KMO: variants seen among roughly 807,000 people sequenced by gnomAD.
KMO encodes the protein kynurenine 3-hydroxylase.
KMO carries 24 observed loss-of-function variants against 57.8 expected under a neutral mutation model. That is an observed-to-expected ratio of 0.42 (90% CI 0.30 to 0.58). The LOEUF (loss-of-function observed/expected upper bound fraction) is 0.58. Among genes scored for constraint, KMO ranks in the 20% least tolerant of loss-of-function variants. The pLI, the probability that KMO is intolerant of heterozygous loss-of-function variation, is 0.22. For missense variants in KMO, 483 were observed against 588.2 expected (o/e 0.82, Z 1.85); for synonymous variants, 210 against 193.6 (o/e 1.08, Z -0.70).
intron 1 of KMO, among the ~76,000 whole-genome samples, chr1:241,541,973 T>A (rs1429765884): frequency 6.6e-6 from 1 of 151,556 alleles, no homozygotes; most frequent in Non-Finnish European, 1.5e-5. Flanking sequence ...CAAAAGTAGT[T>A]GACAAATGTT....
chr1:241,538,415 GAAAACA>G (rs774072247), intron 1 of KMO, among the ~76,000 whole-genome samples: 1 of 152,122 alleles, frequency 6.6e-6, no homozygotes, highest in Non-Finnish European at 1.5e-5. Context: ...CCTAGTTCCT[GAAAACA>G]AAAACAAAAA....
intron 2 of KMO, 57 bp downstream of exon 2, chr1:241,548,955 T>G: frequency 1.7e-6 from 2 of 1,160,020 alleles, no homozygotes; most frequent in Non-Finnish European, 2.6e-6. Context: ...TCCTGGCACT[T>G]TGGGAGGCCA....
At chr1:241,567,961 C>A (rs1326461343) in intron 9 of KMO, among the ~76,000 whole-genome samples, 1 of 152,174 alleles carries the variant, frequency 6.6e-6, no homozygotes, top group Non-Finnish European at 1.5e-5. Flanking sequence ...TTATTATAAG[C>A]ACCATGTTGT....
chr1:241,541,578 A>C (rs1660960325), intron 1 of KMO, among the ~76,000 whole-genome samples: 1 of 152,208 alleles, frequency 6.6e-6, no homozygotes, highest in South Asian at 2.1e-4. Context: ...TGCATCATTC[A>C]CCTTCTCATA....
intron 10 of KMO, among the ~76,000 whole-genome samples, chr1:241,569,196 ATT>A (rs1282693899): frequency 1.3e-5 from 2 of 151,984 alleles, no homozygotes; most frequent in Non-Finnish European, 2.9e-5. Context: ...TCTTTTAGTG[ATT>A]TTAAAATATA....
At chr1:241,573,804 G>T (rs1662400359) in intron 10 of KMO, among the ~76,000 whole-genome samples, 1 of 151,970 alleles carries the variant, frequency 6.6e-6, no homozygotes, top group Admixed American at 6.6e-5. Flanking sequence ...TCTGTGAAAA[G>T]CGATGTTGGT....
chr1:241,558,693 T>C (rs1661728037), intron 5 of KMO, among the ~76,000 whole-genome samples: 1 of 151,628 alleles, frequency 6.6e-6, no homozygotes, highest in Non-Finnish European at 1.5e-5. Flanking sequence ...GTCTGCATTG[T>C]GGATCTTCCA....
At chr1:241,545,459 T>C (rs1036694445) in intron 1 of KMO, among the ~76,000 whole-genome samples, 1 of 152,144 alleles carries the variant, frequency 6.6e-6, no homozygotes, top group Non-Finnish European at 1.5e-5. Context: ...GAGGGAAAGA[T>C]CTGTTCCGGG....
rs1465251561 is a variant in KMO, at chr1:241,591,669, T to A, written c.1261-284T>A. On this transcript the variant is annotated intron_variant, in intron 14 of 14. Transcript: ENST00000366559. ...AGAATTCACAGCTCTTTTTCTAAACTGCAAAGGTTTTTTAATGGCTGGACA... is the reference window on the plus strand; with the variant it reads ...AGAATTCACAGCTCTTTTTCTAAACAGCAAAGGTTTTTTAATGGCTGGACA... Among the ~76,000 whole-genome samples the A allele has an allele frequency of 1.3e-5, 2 of 152,206 alleles. 1 individual carries two copies. Among genetic ancestry groups the A allele is most frequent in the Non-Finnish European group, 2.9e-5 (2 of 68,034 alleles).
chr1:241,570,494 T>C (rs913865404), intron 10 of KMO, among the ~76,000 whole-genome samples: 2 of 152,142 alleles, frequency 1.3e-5, no homozygotes, highest in African/African-American at 2.4e-5. Flanking sequence ...CTTCAGCATA[T>C]GGATATCTAG....
chr1:241,587,660 T>G (rs1259061967), intron 11 of KMO, among the ~76,000 whole-genome samples: 1 of 152,056 alleles, frequency 6.6e-6, no homozygotes, highest in Non-Finnish European at 1.5e-5. Flanking sequence ...GCCAGGCTGG[T>G]CTCGAACTCC....
intron 1 of KMO, 139 bp downstream of exon 1, chr1:241,532,637 TA>T (rs1295119608): frequency 6.6e-6 from 4 of 602,870 alleles, no homozygotes; most frequent in African/African-American, 2.0e-5. Flanking sequence ...CTATTTTGTT[TA>T]TTTTTTTAAT....
chr1:241,535,046 G>A (rs543038148), intron 1 of KMO, among the ~76,000 whole-genome samples: 1 of 151,758 alleles, frequency 6.6e-6, no homozygotes, highest in African/African-American at 2.4e-5. Flanking sequence ...TCCAGAGGCT[G>A]TAATTATGCC....
In KMO at chr1:241,549,370, TAGAA is replaced by T. The variant is rs575269951; in HGVS notation, c.125-297_125-294del. Among the ~76,000 whole-genome samples, 300 of 148,004 alleles carry T rather than the reference TAGAA, an allele frequency of 2.0e-3. 1 individual carries two copies. Among genetic ancestry groups the T allele is most frequent in the Middle Eastern group, 3.6e-3 (1 of 278 alleles). ...AAAGAAAGATAGAAGGAAAGAAAGA[TAGAA>T]AGAAAGAAAAAGAATTGCAGGATGT... On this transcript the variant is annotated intron_variant, in intron 2 of 14. Transcript: ENST00000366559.
intron 1 of KMO, among the ~76,000 whole-genome samples, chr1:241,548,088 A>AAC (rs60952289): frequency 0.098 from 14,616 of 148,862 alleles, 904 homozygotes; most frequent in East Asian, 0.26. Flanking sequence ...AAACAAACAA[A>AAC]ACACACACAC....
intron 10 of KMO, among the ~76,000 whole-genome samples, chr1:241,577,641 C>T (rs1662573525): frequency 6.6e-6 from 1 of 152,078 alleles, no homozygotes; most frequent in Admixed American, 6.6e-5. Flanking sequence ...TATTTTGAGG[C>T]TCATCTCGTT....
rs762905610 is a variant in KMO at position 241,548,946 on chromosome 1, C to G, written c.124+48C>G. 1.8e-5 allele frequency: 23 copies of G among 1,314,086 alleles called. No homozygotes were observed. In the South Asian group the frequency reaches 2.7e-4, roughly 16 times the overall value. 81.4% of individuals were successfully genotyped at this position (1,314,086 alleles called of 1,614,324 possible). On this transcript the variant is annotated intron_variant, in intron 2 of 14. Transcript: ENST00000366559. ...AGGATGAACGCTGGGCACGGTGGCT[C>G]CTGGCACTTTGGGAGGCCAGGGCAC...
At chr1:241,589,203 T>C (rs1470468174) in intron 12 of KMO, among the ~76,000 whole-genome samples, 2 of 152,132 alleles carry the variant, frequency 1.3e-5, no homozygotes, top group African/African-American at 4.8e-5. Context: ...ACTCATAACA[T>C]TATAACTTGC....
At chr1:241,546,179 T>C (rs1247441737) in intron 1 of KMO, among the ~76,000 whole-genome samples, 2 of 152,156 alleles carry the variant, frequency 1.3e-5, no homozygotes, top group Admixed American at 6.5e-5. Context: ...TGTACCTGTT[T>C]AGGGTCCTGA....
Sources: gnomAD v4.1 joint callset for allele counts (sites outside exome capture counted in the v4.1 genomes callset) on GRCh38, gnomAD v4.1.1 for gene constraint, MANE v1.5 for transcripts, NCBI Gene and HGNC (gene_info 2026-07-23, HGNC 2026-07-21) for gene names.